Variants in GLRA3 observed in about 807,000 individuals in gnomAD.
GLRA3 encodes the protein glycine receptor subunit alpha-3.
Under a neutral mutation model 60.4 loss-of-function variants are expected in GLRA3, and 44 were observed. The ratio of observed to expected loss-of-function variants is 0.73; its 90% CI spans 0.57 to 0.94. GLRA3 has a LOEUF of 0.94. Among genes scored for constraint, GLRA3 ranks in the 40% least tolerant of loss-of-function variants. The pLI is 0.00. For synonymous variants in GLRA3, 223 were observed against 192.9 expected (o/e 1.16, Z -1.29); for missense variants, 508 against 564.6 (o/e 0.90, Z 1.02).
At chr4:174,775,890 A>G (rs6553824) in intron 2 of GLRA3, among the ~76,000 whole-genome samples, 111,069 of 151,538 alleles carry the variant, frequency 0.73, 40,994 homozygotes, top group East Asian at 0.99. Context: ...AAAATAATGG[A>G]AAAAAAATAA....
At position 174,728,626 on chromosome 4, in the gene GLRA3, C is replaced by A. The variant is rs765612723; in HGVS notation, c.340G>T (p.Asp114Tyr). ...ATGGAGGGGTCGAGGTCTAAAGAGT[C>A]GTCAGGATATTCACTGTACGCGAGG... ...PRLAYSEYPD[D>Y]SLDLDPSMLD... Residue 114 changes from aspartate (D) to tyrosine (Y), a missense_variant, in exon 4 of 10, where the codon GAC becomes TAC. Asp to Tyr is a radical substitution (Grantham distance 160, BLOSUM62 -3). This residue lies in a region of GLRA3 where 329 missense variants were observed against 349.3 expected (regional missense o/e 0.94). Coordinates refer to ENST00000274093, the MANE Select transcript of GLRA3 (RefSeq NM_006529.4). 6.2e-7 allele frequency: 1 copy of A among 1,612,312 alleles called. No individual in the cohort carries two copies. The highest frequency in any genetic ancestry group is 1.1e-5 in the South Asian group (1 of 91,030).
At chr4:174,691,368 C>G (rs1008254199) in intron 5 of GLRA3, among the ~76,000 whole-genome samples, 1 of 151,960 alleles carries the variant, frequency 6.6e-6, no homozygotes, top group African/African-American at 2.4e-5. Context: ...TGTTTGTCCC[C>G]TCTCCCCTCT....
intron 2 of GLRA3, among the ~76,000 whole-genome samples, chr4:174,777,163 A>AG (rs1738634215): frequency 6.6e-6 from 1 of 152,214 alleles, no homozygotes; most frequent in African/African-American, 2.4e-5. Context: ...AGAGATAGGC[A>AG]GAAAAAAATA....
At chr4:174,751,946 G>T (rs1737505877) in intron 3 of GLRA3, among the ~76,000 whole-genome samples, 1 of 151,786 alleles carries the variant, frequency 6.6e-6, no homozygotes, top group South Asian at 2.1e-4. Flanking sequence ...CTTTAGGGAG[G>T]CATAATGAAA....
At chr4:174,789,618 T>A (rs1478656138) in intron 1 of GLRA3, among the ~76,000 whole-genome samples, 1 of 152,146 alleles carries the variant, frequency 6.6e-6, no homozygotes, top group African/African-American at 2.4e-5. Context: ...GGTAGTGTGT[T>A]CCTATATTCT....
chr4:174,769,340 C>T (rs141040758), intron 2 of GLRA3, among the ~76,000 whole-genome samples: 74 of 152,118 alleles, frequency 4.9e-4, no homozygotes, highest in African/African-American at 1.7e-3. Context: ...TCACTTTTTA[C>T]ATTAATATGA....
intron 1 of GLRA3, among the ~76,000 whole-genome samples, chr4:174,827,246 T>C (rs1741013280): frequency 6.6e-6 from 1 of 151,880 alleles, no homozygotes; most frequent in Non-Finnish European, 1.5e-5. Context: ...AGTCAGAGAA[T>C]CTAGTGATGA....
chr4:174,716,357 C>T (rs1283746712), intron 4 of GLRA3, among the ~76,000 whole-genome samples: 1 of 152,300 alleles, frequency 6.6e-6, no homozygotes, highest in Admixed American at 6.5e-5. Context: ...ATTGGAAAGG[C>T]TCTCCTCCAA....
intron 2 of GLRA3, among the ~76,000 whole-genome samples, chr4:174,769,423 T>C (rs1228243961): frequency 6.6e-6 from 1 of 152,098 alleles, no homozygotes; most frequent in Non-Finnish European, 1.5e-5. Context: ...CAGAACATTT[T>C]CCTGATATTG....
intron 2 of GLRA3, among the ~76,000 whole-genome samples, chr4:174,778,781 C>T (rs1245119787): frequency 6.6e-6 from 1 of 152,250 alleles, no homozygotes; most frequent in East Asian, 1.9e-4. Context: ...AAAAACGGCG[C>T]ACCACGAGGT....
At chr4:174,661,183 TCA>T (rs969648779) in intron 7 of GLRA3, among the ~76,000 whole-genome samples, 1 of 151,654 alleles carries the variant, frequency 6.6e-6, no homozygotes, top group African/African-American at 2.4e-5. Context: ...ACACACATAT[TCA>T]CACACACACA....
chr4:174,776,257 C>G (rs749798315), intron 2 of GLRA3, among the ~76,000 whole-genome samples: 3 of 152,148 alleles, frequency 2.0e-5, no homozygotes, highest in African/African-American at 7.2e-5. Flanking sequence ...AAGCTCAACA[C>G]TCACCTAAAG....
At chr4:174,746,555 T>A (rs1295351484) in intron 3 of GLRA3, among the ~76,000 whole-genome samples, 1 of 152,080 alleles carries the variant, frequency 6.6e-6, no homozygotes, top group Non-Finnish European at 1.5e-5. Context: ...AATATACAAT[T>A]AGATAGAAGA....
intron 3 of GLRA3, among the ~76,000 whole-genome samples, chr4:174,732,981 T>C (rs1165039421): frequency 1.3e-5 from 2 of 152,182 alleles, no homozygotes; most frequent in Non-Finnish European, 2.9e-5. Context: ...TAAGTCTAGG[T>C]AAAGGATTCA....
intron 9 of GLRA3, among the ~76,000 whole-genome samples, chr4:174,650,250 C>G (rs563397885): frequency 6.6e-6 from 1 of 152,106 alleles, no homozygotes; most frequent in African/African-American, 2.4e-5. Context: ...TTGGCAGGTA[C>G]ATTTTGGATT....
At position 174,682,686 on chromosome 4, in the gene GLRA3, A is replaced by G. The variant is rs560274866; in HGVS notation, c.712+116T>C. Reference sequence around the variant, plus strand: ...GTTTCAAATGCATCCATTTTCTGCTATATAAGAAAAACATTGATCTATGAA... The same window carrying G: ...GTTTCAAATGCATCCATTTTCTGCTGTATAAGAAAAACATTGATCTATGAA... On this transcript the variant is annotated intron_variant, in intron 6 of 9. Transcript: ENST00000274093. 7.9e-4 allele frequency: 529 copies of G among 667,864 alleles called. 6 individuals are homozygous for G. The highest frequency in any genetic ancestry group is 4.3e-4 in the Admixed American group (14 of 32,478). The allele number at this position is 667,864 out of a possible 1,614,324, so 41.4% of individuals were successfully genotyped here.
chr4:174,751,731 T>C (rs1383468924), intron 3 of GLRA3, among the ~76,000 whole-genome samples: 3 of 152,062 alleles, frequency 2.0e-5, no homozygotes, highest in Non-Finnish European at 4.4e-5. Context: ...CTTATAAATA[T>C]ACACTTTAGA....
At chr4:174,720,906 C>G (rs528225507) in intron 4 of GLRA3, among the ~76,000 whole-genome samples, 2 of 152,088 alleles carry the variant, frequency 1.3e-5, no homozygotes, top group South Asian at 4.2e-4. Flanking sequence ...AGACAAATAG[C>G]TAAACAAAGG....
intron 3 of GLRA3, among the ~76,000 whole-genome samples, chr4:174,749,233 C>G (rs899671129): frequency 1.3e-5 from 2 of 152,120 alleles, no homozygotes; most frequent in African/African-American, 4.8e-5. Flanking sequence ...GCTTTGCTTA[C>G]AAGCCAAATC....
Sources: gnomAD v4.1 joint callset for allele counts (sites outside exome capture counted in the v4.1 genomes callset) on GRCh38, gnomAD v4.1.1 for gene constraint, gnomAD v4.1.1 regional missense constraint, MANE v1.5 for transcripts, NCBI Gene and HGNC (gene_info 2026-07-23, HGNC 2026-07-21) for gene names.